NKAIN3: variants seen among roughly 807,000 people sequenced by gnomAD.
NKAIN3 encodes sodium/potassium transporting ATPase interacting 3.
In NKAIN3, 25 loss-of-function variants were observed where a neutral mutation model predicts 30.2. That is an observed-to-expected ratio of 0.83 (90% CI 0.60 to 1.16). NKAIN3 has a LOEUF of 1.16. Ranked by LOEUF, NKAIN3 falls within the 50% of genes most tolerant of loss-of-function variation. The probability of loss-of-function intolerance (pLI) is 0.00; values close to 1 mark genes in which losing one functional copy is unlikely to be tolerated. For synonymous variants in NKAIN3, 91 were observed against 89.6 expected (o/e 1.02, Z -0.09); for missense variants, 225 against 254.1 (o/e 0.89, Z 0.78).
chr8:62,857,118 A>G (rs897073875), intron 4 of NKAIN3: 6 of 382,852 alleles, frequency 1.6e-5, no homozygotes, highest in Non-Finnish European at 2.5e-5. Flanking sequence ...TAGGGAAGTG[A>G]CCAACTTGGA....
chr8:62,663,635 AC>A (rs1443638243), intron 3 of NKAIN3, among the ~76,000 whole-genome samples: 4 of 152,304 alleles, frequency 2.6e-5, no homozygotes, highest in African/African-American at 9.6e-5. Flanking sequence ...ATCTCTGCAC[AC>A]AGGGATAGTG....
rs75314465 is a variant in NKAIN3 at position 62,920,801 on chromosome 8, G to A, written c.532+2288G>A. ...ATTCAAATTGACTCAGAGTCAAAACGAAACTTGGGTGCTCAAAGCAAAGTA... is the reference window on the plus strand; with the variant it reads ...ATTCAAATTGACTCAGAGTCAAAACAAAACTTGGGTGCTCAAAGCAAAGTA... On this transcript the variant is annotated intron_variant, in intron 5 of 6. Transcript: ENST00000623646. 6.5e-3 allele frequency among the ~76,000 whole-genome samples: 995 copies of A among 152,252 alleles called. 34 individuals are homozygous for A. In the East Asian group the frequency reaches 0.11, roughly 17 times the overall value.
chr8:62,658,006 C>CTTAA (rs1812815539), intron 3 of NKAIN3, among the ~76,000 whole-genome samples: 1 of 152,134 alleles, frequency 6.6e-6, no homozygotes, highest in African/African-American at 2.4e-5. Flanking sequence ...CTCGCTTTAT[C>CTTAA]TCAGCAGTCC....
chr8:62,326,123 A>G (rs1815116110), intron 1 of NKAIN3, among the ~76,000 whole-genome samples: 1 of 152,004 alleles, frequency 6.6e-6, no homozygotes, highest in African/African-American at 2.4e-5. Context: ...ATGTATTTAA[A>G]AATAATTATT....
chr8:62,535,468 ACCAGTC>A (rs2129862739), intron 1 of NKAIN3, among the ~76,000 whole-genome samples: 1 of 152,252 alleles, frequency 6.6e-6, no homozygotes, highest in East Asian at 1.9e-4. Flanking sequence ...TCACCCCGCT[ACCAGTC>A]CCAAGTTTGA....
In NKAIN3 at chr8:62,981,750, G is replaced by T; in HGVS notation, c.*16343G>T. 9.3e-6 allele frequency: 1 copy of T among 107,470 alleles called. No individual in the cohort carries two copies. The highest frequency in any genetic ancestry group is 2.0e-5 in the Non-Finnish European group (1 of 49,840). 6.7% of individuals were successfully genotyped at this position (107,470 alleles called of 1,614,324 possible). A position where few individuals can be genotyped will look rare whatever the true frequency, so the allele number is the denominator to read the frequency against. On this transcript the variant is annotated 3_prime_UTR_variant, in exon 7 of 7. Coordinates refer to ENST00000623646, the MANE Select transcript of NKAIN3 (RefSeq NM_001304533.3). ...TGTATCCACAACAGAACTAAGGACC[G>T]AAAAAAAAAAAAAAAAGATCTCTAT...
At chr8:62,644,864 C>T (rs1275762679) in intron 3 of NKAIN3, among the ~76,000 whole-genome samples, 4 of 152,156 alleles carry the variant, frequency 2.6e-5, no homozygotes, top group Admixed American at 1.3e-4. Context: ...TAATTAATTG[C>T]TTGTGCAGTT....
At chr8:62,909,667 T>C (rs1821877821) in intron 4 of NKAIN3, among the ~76,000 whole-genome samples, 1 of 151,422 alleles carries the variant, frequency 6.6e-6, no homozygotes, top group Non-Finnish European at 1.5e-5. Context: ...GGCAACATTA[T>C]TAATTAAGCA....
At chr8:62,957,237 C>T (rs1303794593) in intron 6 of NKAIN3, among the ~76,000 whole-genome samples, 1 of 152,010 alleles carries the variant, frequency 6.6e-6, no homozygotes, top group Non-Finnish European at 1.5e-5. Flanking sequence ...GAGTTCACGC[C>T]ATTCTCCTGC....
chr8:62,505,857 A>G (rs142164752), intron 1 of NKAIN3, among the ~76,000 whole-genome samples: 2,199 of 152,218 alleles, frequency 0.014, 31 homozygotes, highest in Non-Finnish European at 0.019. Context: ...TAGAAGTCCC[A>G]TATAGTTCTC....
intron 4 of NKAIN3, among the ~76,000 whole-genome samples, chr8:62,874,360 C>A (rs985862048): frequency 2.6e-5 from 4 of 152,110 alleles, no homozygotes; most frequent in Admixed American, 2.0e-4. Flanking sequence ...ACCAAAAAAA[C>A]CCCAGGACCA....
intron 1 of NKAIN3, among the ~76,000 whole-genome samples, chr8:62,569,351 G>T (rs572222849): frequency 5.3e-5 from 8 of 152,286 alleles, no homozygotes; most frequent in African/African-American, 1.9e-4. Flanking sequence ...AACGCATGCT[G>T]ATGTACATAG....
At chr8:62,868,863 C>T (rs1051296310) in intron 4 of NKAIN3, among the ~76,000 whole-genome samples, 1 of 152,098 alleles carries the variant, frequency 6.6e-6, no homozygotes, top group Non-Finnish European at 1.5e-5. Flanking sequence ...AGTGATGGAT[C>T]TACAGCAGGA....
chr8:62,500,598 A>G (rs533256121), intron 1 of NKAIN3, among the ~76,000 whole-genome samples: 1 of 152,254 alleles, frequency 6.6e-6, no homozygotes, highest in South Asian at 2.1e-4. Flanking sequence ...GACTGAAAAG[A>G]GCCACTCAGC....
At chr8:62,637,704 C>G (rs891679227) in intron 3 of NKAIN3, among the ~76,000 whole-genome samples, 2 of 152,098 alleles carry the variant, frequency 1.3e-5, no homozygotes, top group African/African-American at 4.8e-5. Context: ...TCAAATAGTA[C>G]AGCAGAAAGA....
chr8:62,821,939 C>T (rs571009136), intron 4 of NKAIN3, among the ~76,000 whole-genome samples: 1 of 149,608 alleles, frequency 6.7e-6, no homozygotes, highest in Non-Finnish European at 1.5e-5. Context: ...AGAAGCTGTA[C>T]TTTTCGATGC....
At chr8:62,350,436 A>G (rs1444885768) in intron 1 of NKAIN3, among the ~76,000 whole-genome samples, 1 of 152,150 alleles carries the variant, frequency 6.6e-6, no homozygotes, top group East Asian at 1.9e-4. Context: ...AGAGACAAAA[A>G]GAGTGGTGGT....
chr8:62,985,585 A>C (rs1159638269), downstream of NKAIN3, among the ~76,000 whole-genome samples: 1 of 152,182 alleles, frequency 6.6e-6, no homozygotes. Context: ...AGTCTCCACA[A>C]AAATTATTTA....
At chr8:62,548,503 C>A (rs1293064554) in intron 1 of NKAIN3, among the ~76,000 whole-genome samples, 1 of 152,128 alleles carries the variant, frequency 6.6e-6, no homozygotes, top group Non-Finnish European at 1.5e-5. Flanking sequence ...ACAGCCAGCT[C>A]TGATGCTTTC....
Sources: allele counts gnomAD v4.1 joint callset (sites outside exome capture counted in the v4.1 genomes callset), GRCh38; gene constraint gnomAD v4.1.1; transcripts MANE v1.5; gene names NCBI Gene and HGNC (gene_info 2026-07-23, HGNC 2026-07-21).